The following CDKAL1 variants were observed in gnomAD, a reference collection of about 807,000 sequenced individuals.
The protein encoded by CDKAL1 is CDKAL1 threonylcarbamoyladenosine tRNA methylthiotransferase, also known as threonylcarbamoyladenosine tRNA methylthiotransferase.
In CDKAL1, 32 loss-of-function variants were observed where a neutral mutation model predicts 68.2. The ratio of observed to expected loss-of-function variants is 0.47; its 90% CI spans 0.35 to 0.63. CDKAL1 has a LOEUF of 0.63. Among genes scored for constraint, CDKAL1 ranks in the 30% least tolerant of loss-of-function variants. CDKAL1 has a pLI of 0.00. For missense variants in CDKAL1, 606 were observed against 696.7 expected, an observed-to-expected ratio of 0.87 and a Z score of 1.47; for synonymous variants, 234 against 244.3, an observed-to-expected ratio of 0.96 and a Z score of 0.39.
intron 13 of CDKAL1, among the ~76,000 whole-genome samples, chr6:21,153,615 C>T (rs2151052762): frequency 6.6e-6 from 1 of 152,062 alleles, no homozygotes; most frequent in East Asian, 1.9e-4. Context: ...AAAGTTAAAA[C>T]CTGAGGACAT....
At chr6:21,054,866 T>C (rs1325767138) in intron 11 of CDKAL1, among the ~76,000 whole-genome samples, 1 of 151,968 alleles carries the variant, frequency 6.6e-6, no homozygotes, top group Non-Finnish European at 1.5e-5. Flanking sequence ...GTAGATTCTT[T>C]AGATTTTCTA....
chr6:21,085,902 A>G (rs57563898), intron 12 of CDKAL1, among the ~76,000 whole-genome samples: 5,821 of 152,276 alleles, frequency 0.038, 353 homozygotes, highest in African/African-American at 0.13. Flanking sequence ...GCAGGCAGGA[A>G]TTAAGACGGT....
chr6:21,224,063 G>A (rs1315759761), intron 15 of CDKAL1, among the ~76,000 whole-genome samples: 2 of 152,150 alleles, frequency 1.3e-5, no homozygotes, highest in South Asian at 2.1e-4. Flanking sequence ...AACTGAGTAC[G>A]CTTTCTGGTG....
At chr6:20,708,340 T>C (rs540920264) in intron 5 of CDKAL1, among the ~76,000 whole-genome samples, 1 of 152,346 alleles carries the variant, frequency 6.6e-6, no homozygotes, top group South Asian at 2.1e-4. Context: ...TTTAAAGTTT[T>C]CTCTCTCCTT....
At chr6:21,184,920 A>G (rs1232026054) in intron 13 of CDKAL1, among the ~76,000 whole-genome samples, 4 of 149,490 alleles carry the variant, frequency 2.7e-5, no homozygotes, top group African/African-American at 4.9e-5. Flanking sequence ...ACCCACCTCA[A>G]CCTCCCAAAG....
intron 5 of CDKAL1, among the ~76,000 whole-genome samples, chr6:20,718,750 A>G (rs1772206979): frequency 6.6e-6 from 1 of 152,170 alleles, no homozygotes; most frequent in Non-Finnish European, 1.5e-5. Context: ...AGCATCTTCT[A>G]TTAGCAAGGT....
At position 20,630,621 on chromosome 6, in the gene CDKAL1, C is replaced by A. The variant is rs1186692977; in HGVS notation, c.287-18672C>A. Among the ~76,000 whole-genome samples, 3 of 151,902 alleles carry A rather than the reference C, an allele frequency of 2.0e-5. No homozygotes were observed. In the East Asian group the frequency reaches 5.8e-4, roughly 29 times the overall value. ...TAATCCTTTGAATAAATGTGCAAAGCCTGATGATTTTGGATATTTTCAAAG... is the reference window on the plus strand; with the variant it reads ...TAATCCTTTGAATAAATGTGCAAAGACTGATGATTTTGGATATTTTCAAAG... On this transcript the variant is annotated intron_variant, in intron 4 of 15. Transcript: ENST00000274695.
At chr6:20,946,593 CTTT>C (rs11361870) in intron 9 of CDKAL1, among the ~76,000 whole-genome samples, 17 of 91,230 alleles carry the variant, frequency 1.9e-4, no homozygotes, top group Admixed American at 6.4e-4. Flanking sequence ...CAATCCATAC[CTTT>C]TTTTTTTTTT....
At chr6:20,957,200 A>G (rs1163619277) in intron 10 of CDKAL1, among the ~76,000 whole-genome samples, 1 of 152,128 alleles carries the variant, frequency 6.6e-6, no homozygotes, top group Non-Finnish European at 1.5e-5. Flanking sequence ...AAAAGATCTG[A>G]TCAGGGATCC....
intron 4 of CDKAL1, among the ~76,000 whole-genome samples, chr6:20,625,925 G>A (rs898067883): frequency 2.6e-5 from 4 of 152,080 alleles, no homozygotes; most frequent in Non-Finnish European, 5.9e-5. Flanking sequence ...CAATAATGCT[G>A]TCTGCAAGAT....
chr6:20,719,643 A>G (rs970728458), intron 5 of CDKAL1, among the ~76,000 whole-genome samples: 6 of 152,194 alleles, frequency 3.9e-5, no homozygotes, highest in African/African-American at 1.2e-4. Context: ...TTTAACCTCT[A>G]TTGTAAAATA....
At chr6:20,631,024 T>C (rs2127741634) in intron 4 of CDKAL1, among the ~76,000 whole-genome samples, 1 of 152,368 alleles carries the variant, frequency 6.6e-6, no homozygotes, top group Admixed American at 6.5e-5. Context: ...ATTGCACTTG[T>C]GATTTGTAGG....
intron 9 of CDKAL1, among the ~76,000 whole-genome samples, chr6:20,853,008 A>G (rs1247149827): frequency 6.6e-6 from 1 of 152,244 alleles, no homozygotes; most frequent in Non-Finnish European, 1.5e-5. Flanking sequence ...CTCTGCTGCA[A>G]CTATTTAGTT....
chr6:20,556,189 G>A (rs1164342684), intron 4 of CDKAL1, among the ~76,000 whole-genome samples: 1 of 151,774 alleles, frequency 6.6e-6, no homozygotes, highest in Admixed American at 6.6e-5. Flanking sequence ...ACATGGTGAA[G>A]CCCCGTCTTT....
chr6:21,003,371 TAC>T (rs55839331), intron 11 of CDKAL1, among the ~76,000 whole-genome samples: 5,248 of 49,206 alleles, frequency 0.11, 368 homozygotes, highest in Middle Eastern at 0.2. Context: ...TATATATATA[TAC>T]ACACACACAC....
rs190115306 is a variant in CDKAL1 at position 20,871,641 on chromosome 6, A to G, written c.742+25463A>G. Among the ~76,000 whole-genome samples, 76 of 152,260 alleles carry G rather than the reference A, an allele frequency of 5.0e-4. 1 individual carries two copies. The highest frequency in any genetic ancestry group is 1.8e-3 in the African/African-American group (74 of 41,564). On this transcript the variant is annotated intron_variant, in intron 9 of 15. Coordinates refer to ENST00000274695, the MANE Select transcript of CDKAL1 (RefSeq NM_017774.3). ...AATAATCCAAAAATGATTAGGCCAG[A>G]AGGTTTGTGCTGTCTTGGCCCTTGA...
At chr6:20,855,822 T>A (rs1255004672) in intron 9 of CDKAL1, among the ~76,000 whole-genome samples, 1 of 152,224 alleles carries the variant, frequency 6.6e-6, no homozygotes, top group African/African-American at 2.4e-5. Context: ...GGGAATACTT[T>A]TAAAAATTTT....
At chr6:20,643,588 T>C (rs1768292922) in intron 4 of CDKAL1, among the ~76,000 whole-genome samples, 2 of 152,230 alleles carry the variant, frequency 1.3e-5, no homozygotes, top group South Asian at 4.1e-4. Context: ...CATTATTTAT[T>C]GGCAAATAGC....
At chr6:20,957,558 T>C (rs1426119457) in intron 10 of CDKAL1, among the ~76,000 whole-genome samples, 1 of 152,206 alleles carries the variant, frequency 6.6e-6, no homozygotes, top group African/African-American at 2.4e-5. Flanking sequence ...CTCTGAAGTA[T>C]GTATCATGTT....
Sources: gnomAD v4.1 joint callset for allele counts (sites outside exome capture counted in the v4.1 genomes callset) on GRCh38, gnomAD v4.1.1 for gene constraint, MANE v1.5 for transcripts, NCBI Gene and HGNC (gene_info 2026-07-23, HGNC 2026-07-21) for gene names.